THSD7B: variants seen among roughly 807,000 people sequenced by gnomAD.
THSD7B encodes the protein thrombospondin type-1 domain-containing protein 7B.
THSD7B carries 138 observed loss-of-function variants against 213.6 expected under a neutral mutation model. The observed-to-expected ratio is 0.65, with a 90% CI of 0.56 to 0.74. The LOEUF is 0.74. Among genes scored for constraint, THSD7B ranks in the 30% least tolerant of loss-of-function variants. THSD7B has a pLI of 0.00. For missense variants in THSD7B, 1,931 were observed against 1,991.5 expected (o/e 0.97, Z 0.58); for synonymous variants, 742 against 687.0 (o/e 1.08, Z -1.25).
chr2:137,584,589 A>C (rs1438939430), intron 17 of THSD7B, among the ~76,000 whole-genome samples: 1 of 152,138 alleles, frequency 6.6e-6, no homozygotes, highest in African/African-American at 2.4e-5. Flanking sequence ...ATCTATTGAG[A>C]TAATCATGTC....
intron 7 of THSD7B, among the ~76,000 whole-genome samples, chr2:137,205,311 A>G (rs1040791285): frequency 2.6e-5 from 4 of 152,034 alleles, no homozygotes; most frequent in Non-Finnish European, 5.9e-5. Context: ...GTCCCAGAGG[A>G]ACTCCAGAGA....
intron 14 of THSD7B, among the ~76,000 whole-genome samples, chr2:137,430,133 G>A (rs1379032422): frequency 6.6e-6 from 1 of 152,056 alleles, no homozygotes; most frequent in Admixed American, 6.5e-5. Context: ...TGTGGTCCCA[G>A]CTACTTGGGA....
intron 14 of THSD7B, among the ~76,000 whole-genome samples, chr2:137,444,310 G>T (rs1280339005): frequency 1.3e-5 from 2 of 152,006 alleles, no homozygotes; most frequent in Non-Finnish European, 2.9e-5. Context: ...GAGATTTTAA[G>T]TAAGCGTTTA....
chr2:136,829,960 C>G (rs570672033), intron 1 of THSD7B, among the ~76,000 whole-genome samples: 1 of 152,010 alleles, frequency 6.6e-6, no homozygotes, highest in South Asian at 2.1e-4. Context: ...TATACAAGCT[C>G]TAAGTTGTGG....
chr2:137,641,014 G>A (rs13414446), intron 20 of THSD7B, among the ~76,000 whole-genome samples: 21,589 of 152,166 alleles, frequency 0.14, 1,646 homozygotes, highest in South Asian at 0.24. Context: ...CTTTGAAAGT[G>A]AGTCACCCTT....
intron 2 of THSD7B, among the ~76,000 whole-genome samples, chr2:136,897,873 C>T (rs1030388043): frequency 1.3e-5 from 2 of 151,722 alleles, no homozygotes; most frequent in East Asian, 3.9e-4. Flanking sequence ...CTGATTGGTG[C>T]GTTTACAAAC....
chr2:137,463,793 A>G (rs1310328629), intron 15 of THSD7B, among the ~76,000 whole-genome samples: 2 of 152,226 alleles, frequency 1.3e-5, no homozygotes, highest in East Asian at 1.9e-4. Flanking sequence ...ATAGACATAT[A>G]TGTAACAAAT....
chr2:137,498,255 G>A (rs74628362), intron 15 of THSD7B, among the ~76,000 whole-genome samples: 4,626 of 152,010 alleles, frequency 0.03, 93 homozygotes, highest in Middle Eastern at 0.051. Context: ...CCAAGATACC[G>A]TGTTAGGCAC....
At chr2:137,244,995 A>AT (rs2105067643) in intron 10 of THSD7B, among the ~76,000 whole-genome samples, 1 of 152,192 alleles carries the variant, frequency 6.6e-6, no homozygotes, top group African/African-American at 2.4e-5. Flanking sequence ...TTCAATAACT[A>AT]TGGGGGGGTG....
At chr2:137,534,653 A>G (rs1360221181) in intron 15 of THSD7B, among the ~76,000 whole-genome samples, 2 of 151,770 alleles carry the variant, frequency 1.3e-5, no homozygotes, top group South Asian at 2.1e-4. Context: ...TACTATCAAT[A>G]TAAGTTTTCT....
intron 2 of THSD7B, among the ~76,000 whole-genome samples, chr2:136,973,646 C>G (rs1487904961): frequency 1.3e-5 from 2 of 152,094 alleles, no homozygotes; most frequent in African/African-American, 4.8e-5. Context: ...ATACATTGTA[C>G]TGTTATGCCA....
At chr2:137,448,413 G>C (rs556906816) in intron 14 of THSD7B, among the ~76,000 whole-genome samples, 2 of 151,862 alleles carry the variant, frequency 1.3e-5, no homozygotes, top group Admixed American at 6.6e-5. Context: ...GGAGAAGATG[G>C]AGTAGTCTGT....
intron 12 of THSD7B, among the ~76,000 whole-genome samples, chr2:137,388,426 C>A (rs1159006904): frequency 6.6e-6 from 1 of 151,418 alleles, no homozygotes; most frequent in South Asian, 2.1e-4. Flanking sequence ...TTGTGGGGTA[C>A]CTATGATACT....
At chr2:137,513,060 A>G (rs980705009) in intron 15 of THSD7B, among the ~76,000 whole-genome samples, 2 of 152,212 alleles carry the variant, frequency 1.3e-5, no homozygotes, top group African/African-American at 4.8e-5. Context: ...TACAATAAGG[A>G]TCCCTGATAT....
At chr2:137,197,888 C>A (rs1238510186) in intron 7 of THSD7B, among the ~76,000 whole-genome samples, 1 of 152,152 alleles carries the variant, frequency 6.6e-6, no homozygotes, top group Non-Finnish European at 1.5e-5. Flanking sequence ...TCATTGATAG[C>A]CACTTGAATC....
intron 17 of THSD7B, among the ~76,000 whole-genome samples, chr2:137,586,369 C>T (rs1259989786): frequency 6.6e-6 from 1 of 152,136 alleles, no homozygotes; most frequent in South Asian, 2.1e-4. Flanking sequence ...TGAATTTGAT[C>T]CTGTCATTAT....
At chr2:137,662,406 A>C (rs1440136062) in intron 25 of THSD7B, among the ~76,000 whole-genome samples, 1 of 151,564 alleles carries the variant, frequency 6.6e-6, no homozygotes, top group Admixed American at 6.6e-5. Context: ...CTTTTGGGAG[A>C]CTGCCTTTCC....
chr2:136,770,855 C>G (rs1324252633), intron 1 of THSD7B, among the ~76,000 whole-genome samples: 1 of 151,822 alleles, frequency 6.6e-6, no homozygotes, highest in Non-Finnish European at 1.5e-5. Context: ...ATCTAGGAGC[C>G]CAAAGGTATC....
intron 1 of THSD7B, among the ~76,000 whole-genome samples, chr2:136,879,856 A>T (rs1375402383): frequency 6.6e-6 from 1 of 152,182 alleles, no homozygotes; most frequent in Admixed American, 6.5e-5. Context: ...ACAAAGATCA[A>T]AAGAGACAAA....
Sources: gnomAD v4.1 joint callset for allele counts (sites outside exome capture counted in the v4.1 genomes callset) on GRCh38, gnomAD v4.1.1 for gene constraint, MANE v1.5 for transcripts, NCBI Gene and HGNC (gene_info 2026-07-23, HGNC 2026-07-21) for gene names.